The following TCF4 variants were observed in gnomAD, a reference collection of about 807,000 sequenced individuals.
The protein encoded by TCF4 is transcription factor 4.
A neutral mutation model predicts 82.1 loss-of-function variants in TCF4; 3 were observed. The ratio of observed to expected loss-of-function variants is 0.04; its 90% CI spans 0.02 to 0.09. The LOEUF is 0.09. Ranked by LOEUF, TCF4 falls within the 10% of genes least tolerant of loss-of-function variation. The pLI is 1.00. For missense variants in TCF4, 518 were observed against 852.7 expected, an observed-to-expected ratio of 0.61 and a Z score of 4.89; for synonymous variants, 276 against 309.6, an observed-to-expected ratio of 0.89 and a Z score of 1.14.
At chr18:55,332,061 CTTCTG>C (rs2077671624) in intron 8 of TCF4, 1 of 152,152 alleles carries the variant, frequency 6.6e-6, no homozygotes, top group African/African-American at 2.4e-5. Context: ...GTGATGCAGA[CTTCTG>C]TTTGTTTCAA....
chr18:55,586,237 G>GC, intron 2 of TCF4: 1 of 963,330 alleles, frequency 1.0e-6, no homozygotes, highest in Non-Finnish European at 1.5e-6. Context: ...GCATGAAAGA[G>GC]CCCCACTTGG....
At position 55,286,649 on chromosome 18, in the gene TCF4, A is replaced by G. The variant is rs181460118; in HGVS notation, c.550-6993T>C. Among the ~76,000 whole-genome samples the G allele has an allele frequency of 3.0e-3, 455 of 152,366 alleles. 4 individuals are homozygous for G. Among genetic ancestry groups the G allele is most frequent in the African/African-American group, 9.2e-3 (381 of 41,588 alleles). On this transcript the variant is annotated intron_variant, in intron 8 of 19. Coordinates refer to ENST00000354452, the MANE Select transcript of TCF4 (RefSeq NM_001083962.2). ...GGCGTCAAGGCAGTTAATCATACTC[A>G]AAGGCACAAGACAGTGCAGGTGAAC...
At chr18:55,448,805 A>G (rs1163655772) in intron 5 of TCF4, among the ~76,000 whole-genome samples, 1 of 152,240 alleles carries the variant, frequency 6.6e-6, no homozygotes, top group Non-Finnish European at 1.5e-5. Flanking sequence ...TGTGAACTCA[A>G]TTCCACTCTT....
At chr18:55,259,843 T>C in intron 13 of TCF4, 106 bp downstream of exon 13, 1 of 953,630 alleles carries the variant, frequency 1.0e-6, no homozygotes, top group East Asian at 2.4e-5. Context: ...GTTAAAGCTT[T>C]GGGATTTGGG....
At chr18:55,610,798 T>C (rs2044370508) in intron 2 of TCF4, among the ~76,000 whole-genome samples, 2 of 152,220 alleles carry the variant, frequency 1.3e-5, no homozygotes, top group South Asian at 4.1e-4. Context: ...TGACATTTGT[T>C]TTGCTTTGCA....
intron 3 of TCF4, among the ~76,000 whole-genome samples, chr18:55,546,409 T>C (rs1021841414): frequency 6.6e-5 from 10 of 152,098 alleles, no homozygotes; most frequent in African/African-American, 2.4e-4. Context: ...AATTAAATAT[T>C]TAAAAGTAAA....
chr18:55,419,294 A>G (rs2094639845), intron 5 of TCF4, among the ~76,000 whole-genome samples: 3 of 152,246 alleles, frequency 2.0e-5, no homozygotes, highest in African/African-American at 7.2e-5. Flanking sequence ...ATGGACTCCA[A>G]CAGAAGGAAT....
rs550591009 is a variant in TCF4 at position 55,565,295 on chromosome 18, T to C, written c.145+19985A>G. Among the ~76,000 whole-genome samples the C allele has an allele frequency of 1.3e-3, 190 of 147,948 alleles. 2 individuals are homozygous for C. The highest frequency in any genetic ancestry group is 4.5e-3 in the African/African-American group (181 of 39,982). ...GCCTCTCACACTACAAAACAACCAA[T>C]GTTCAACATTAAAAAAAAAAAAAAT... On this transcript the variant is annotated intron_variant, in intron 3 of 19. Coordinates refer to ENST00000354452, the MANE Select transcript of TCF4 (RefSeq NM_001083962.2).
At chr18:55,596,540 C>T (rs1023290021) in intron 2 of TCF4, among the ~76,000 whole-genome samples, 6 of 152,148 alleles carry the variant, frequency 3.9e-5, no homozygotes, top group Non-Finnish European at 5.9e-5. Flanking sequence ...TTTCATATGT[C>T]GACTAAAGTG....
At chr18:55,586,016 G>GA in intron 2 of TCF4, 2 of 1,356,512 alleles carry the variant, frequency 1.5e-6, no homozygotes, top group Non-Finnish European at 1.9e-6. Context: ...AACGAATGGA[G>GA]AAAGTGCAAC....
intron 3 of TCF4, among the ~76,000 whole-genome samples, chr18:55,514,444 CA>C (rs375410389): frequency 0.15 from 21,975 of 146,182 alleles, 1,685 homozygotes; most frequent in South Asian, 0.23. Context: ...CACACACACA[CA>C]CCCCAATCAT....
Position 55,566,319 on chromosome 18 carries a change from C to T in TCF4, c.145+18961G>A, listed in dbSNP as rs1444780927. On this transcript the variant is annotated intron_variant, in intron 3 of 19. Transcript: ENST00000354452. ...ACGGAGATCCGGAAAGGTAGAGGGG[C>T]AGGAGGCGGGTGGCTAAGAAATTAC... 3.3e-5 allele frequency among the ~76,000 whole-genome samples: 5 copies of T among 152,118 alleles called. No homozygotes were observed. The South Asian group carries it at 1.0e-3, about 32-fold the overall frequency.
intron 13 of TCF4, 162 bp from the exon 14 acceptor site, chr18:55,257,553 G>T (rs1429977233): frequency 1.4e-6 from 1 of 691,212 alleles, no homozygotes; most frequent in East Asian, 2.7e-5. Context: ...TTTGGGACAA[G>T]GAAAACATTT....
At chr18:55,456,850 T>A (rs973954100) in intron 5 of TCF4, among the ~76,000 whole-genome samples, 1 of 152,184 alleles carries the variant, frequency 6.6e-6, no homozygotes, top group Non-Finnish European at 1.5e-5. Context: ...AGGTATCCAA[T>A]GGACCACCTA....
At chr18:55,353,869 A>G (rs1411311071) in intron 6 of TCF4, among the ~76,000 whole-genome samples, 2 of 152,220 alleles carry the variant, frequency 1.3e-5, no homozygotes, top group African/African-American at 4.8e-5. Context: ...CTGCTTAATA[A>G]AAGTTAAGCT....
intron 8 of TCF4, among the ~76,000 whole-genome samples, chr18:55,292,521 C>T (rs1216978127): frequency 6.6e-6 from 1 of 152,090 alleles, no homozygotes; most frequent in Non-Finnish European, 1.5e-5. Flanking sequence ...GATAAATTAG[C>T]ATCTAGTGAG....
At chr18:55,509,512 C>A (rs1038403359) in intron 3 of TCF4, among the ~76,000 whole-genome samples, 3 of 152,058 alleles carry the variant, frequency 2.0e-5, no homozygotes, top group African/African-American at 2.4e-5. Context: ...GAATTATAAA[C>A]CAAATTGCGT....
chr18:55,289,964 A>G (rs1277649787), intron 8 of TCF4, among the ~76,000 whole-genome samples: 1 of 152,182 alleles, frequency 6.6e-6, no homozygotes, highest in Non-Finnish European at 1.5e-5. Flanking sequence ...TCAAAACTTT[A>G]CTAAGTGCAT....
chr18:55,278,331 T>G (rs1036260996), intron 9 of TCF4, among the ~76,000 whole-genome samples: 1 of 152,146 alleles, frequency 6.6e-6, no homozygotes, highest in Non-Finnish European at 1.5e-5. Flanking sequence ...AATAAGGTTT[T>G]CACACCTGGG....
Sources: gnomAD v4.1 joint callset for allele counts (sites outside exome capture counted in the v4.1 genomes callset) on GRCh38, gnomAD v4.1.1 for gene constraint, MANE v1.5 for transcripts, NCBI Gene and HGNC (gene_info 2026-07-23, HGNC 2026-07-21) for gene names.